IAH1: variants seen among roughly 807,000 people sequenced by gnomAD.
IAH1 encodes the protein isoamyl acetate hydrolyzing esterase 1 (putative).
A neutral mutation model predicts 26.7 loss-of-function variants in IAH1; 24 were observed. The ratio of observed to expected loss-of-function variants is 0.90; its 90% CI spans 0.65 to 1.26. IAH1 has a LOEUF of 1.26. Among genes scored for constraint, IAH1 ranks in the 50% most tolerant of loss-of-function variants. The pLI, the probability that IAH1 is intolerant of heterozygous loss-of-function variation, is 0.00. For synonymous variants in IAH1, 140 were observed against 118.5 expected, an observed-to-expected ratio of 1.18 and a Z score of -1.18; for missense variants, 300 against 299.9, an observed-to-expected ratio of 1.00 and a Z score of 0.00.
downstream of IAH1, among the ~76,000 whole-genome samples, chr2:9,501,071 C>G (rs1243764250): frequency 7.1e-6 from 1 of 139,870 alleles, no homozygotes; most frequent in African/African-American, 2.7e-5. Flanking sequence ...GACGTATGCC[C>G]AAATGGATGA....
At position 9,489,200 on chromosome 2, in the gene IAH1, A is replaced by G. The variant is rs1183799231; in HGVS notation, c.*871A>G. 1.3e-5 allele frequency: 2 copies of G among 151,434 alleles called. No individual in the cohort carries two copies. The highest frequency in any genetic ancestry group is 6.6e-5 in the Admixed American group (1 of 15,202). 9.4% of individuals were successfully genotyped at this position (151,434 alleles called of 1,614,324 possible). On this transcript the variant is annotated 3_prime_UTR_variant, in exon 6 of 6. Coordinates refer to ENST00000497473, the MANE Select transcript of IAH1 (RefSeq NM_001039613.3). ...AAGAAATATCTCACCCTCTTATTCA[A>G]TAGTGTTTGAAAACAGGCAATCTTT...
At chr2:9,505,021 C>T in the IAH1 span, 2 of 902,804 alleles carry the variant, frequency 2.2e-6, no homozygotes, top group East Asian at 5.3e-5. Context: ...CAATTTCTTG[C>T]TGTGAAGGGC....
At chr2:9,497,297 C>T, downstream of IAH1, 1 of 1,607,746 alleles carries the variant, frequency 6.2e-7, no homozygotes, top group Non-Finnish European at 8.5e-7. Flanking sequence ...ACAGGTCCAC[C>T]AGTTCTACAG....
the IAH1 span, among the ~76,000 whole-genome samples, chr2:9,506,518 C>T: frequency 6.6e-6 from 1 of 152,050 alleles, no homozygotes; most frequent in South Asian, 2.1e-4. Context: ...AGGTGCATGC[C>T]ACCACGCCCA....
At chr2:9,475,927 C>A in intron 1 of IAH1, 60 bp from the exon 2 acceptor site, 2 of 1,456,720 alleles carry the variant, frequency 1.4e-6, no homozygotes, top group Non-Finnish European at 1.9e-6. Context: ...ATCAGAACTG[C>A]CCTCGCTGAG....
Position 9,488,238 on chromosome 2 carries a change from A to T in IAH1, c.656A>T (p.Lys219Met). 1 of 1,612,924 alleles carries T rather than the reference A, an allele frequency of 6.2e-7. No homozygotes were observed. The highest frequency in any genetic ancestry group is 8.5e-7 in the Non-Finnish European group (1 of 1,179,208). Reference sequence around the variant, plus strand: ...CATCTCTGGCCTTTGATAGAGAAAAAGGTCTCTTCTCTACCTTTGCTGCTT... The same window carrying T: ...CATCTCTGGCCTTTGATAGAGAAAATGGTCTCTTCTCTACCTTTGCTGCTT... The part of the protein sequence containing the change: ...FSHLWPLIEK[K>M]VSSLPLLLPY... The change falls in exon 6 of 6, where the codon AAG (lysine) becomes ATG (methionine). Residue 219 changes from lysine (K) to methionine (M), a missense_variant. Lys to Met is a moderately conservative substitution (Grantham distance 95). Transcript: ENST00000497473.
chr2:9,477,217 T>C (rs1347351818), intron 2 of IAH1, among the ~76,000 whole-genome samples: 3 of 152,204 alleles, frequency 2.0e-5, no homozygotes, highest in Non-Finnish European at 4.4e-5. Context: ...TGTCCCCTTG[T>C]GCTGCTTTGG....
At chr2:9,501,837 G>C in the IAH1 span, among the ~76,000 whole-genome samples, 16 of 151,988 alleles carry the variant, frequency 1.1e-4, no homozygotes, top group African/African-American at 3.9e-4. Flanking sequence ...GTAAATTTAA[G>C]GTAGAATATC....
rs1402795426 is a variant in IAH1, at chr2:9,488,292, A to G, written c.710A>G (p.Lys237Arg). The change falls in exon 6 of 6, where the codon AAA (lysine) becomes AGA (arginine). Residue 237 changes from lysine (K) to arginine (R), a missense_variant. Transcript: ENST00000497473. ...TACTGGCGGGATGTAGCAGAAGCAA[A>G]ACCTGAATTAAGTCTGCTGGGAGAT... is the stretch of plus-strand genomic sequence containing the variant. ...LPYWRDVAEA[K>R]PELSLLGDGD... The G allele has an allele frequency of 2.5e-6, 4 of 1,611,580 alleles. No individual in the cohort carries two copies. Among genetic ancestry groups the G allele is most frequent in the Admixed American group, 3.4e-5 (2 of 59,126 alleles).
chr2:9,484,975 T>C (rs974309585), intron 5 of IAH1: 9 of 159,624 alleles, frequency 5.6e-5, no homozygotes, highest in African/African-American at 2.2e-4. Flanking sequence ...AGCACAAATA[T>C]AAAAGGTAAA....
Position 9,488,356 on chromosome 2 carries a change from T to C in IAH1, c.*27T>C, listed in dbSNP as rs1407660127. 1 of 1,552,614 alleles carries C rather than the reference T, an allele frequency of 6.4e-7. No individual in the cohort carries two copies. The highest frequency in any genetic ancestry group is 1.4e-5 in the African/African-American group (1 of 72,546). ...CAATCACAGGAGACCCAAATCTGCT[T>C]GTTATCTACAGAACTCAAAGTTGTC... On this transcript the variant is annotated 3_prime_UTR_variant, in exon 6 of 6. Transcript: ENST00000497473.
At chr2:9,475,871 A>G in intron 1 of IAH1, 116 bp from the exon 2 acceptor site, 3 of 814,322 alleles carry the variant, frequency 3.7e-6, no homozygotes, top group East Asian at 2.6e-5. Flanking sequence ...CCTGGAGTGA[A>G]GCAATCAAAG....
intron 2 of IAH1, among the ~76,000 whole-genome samples, chr2:9,476,592 A>G (rs79531084): frequency 0.017 from 2,522 of 152,254 alleles, 111 homozygotes; most frequent in Admixed American, 0.071. Context: ...GCAAAGGGAG[A>G]TGGGTAGGGC....
chr2:9,497,616 C>T (rs1662709234), downstream of IAH1, among the ~76,000 whole-genome samples: 1 of 152,244 alleles, frequency 6.6e-6, no homozygotes. Context: ...CTGGCCCTGA[C>T]TTCATCGCAC....
chr2:9,474,720 C>T lies in IAH1; in HGVS notation c.81+73C>T. 8.5e-7 allele frequency: 1 copy of T among 1,180,106 alleles called. No individual in the cohort carries two copies. The highest frequency in any genetic ancestry group is 3.0e-5 in the Admixed American group (1 of 33,618). The allele number at this position is 1,180,106 out of a possible 1,614,324, so 73.1% of individuals were successfully genotyped here. On this transcript the variant is annotated intron_variant, in intron 1 of 5. Coordinates refer to ENST00000497473, the MANE Select transcript of IAH1 (RefSeq NM_001039613.3). This position sits in a 1 kb window ranked among gnomAD's most constrained non-coding sequence, Gnocchi z 4.3. ...GTCGCTGCCGAGCAGGCCGAGGCTC[C>T]TCGCCGTCCTCTTCGGCGCCCGAGA...
chr2:9,479,142 G>A (rs887498695), intron 3 of IAH1, among the ~76,000 whole-genome samples: 3 of 152,072 alleles, frequency 2.0e-5, no homozygotes, highest in South Asian at 2.1e-4. Context: ...GACAGGTATC[G>A]GTGGAGACTG....
the IAH1 span, among the ~76,000 whole-genome samples, chr2:9,509,413 C>G: frequency 6.6e-6 from 1 of 152,160 alleles, no homozygotes; most frequent in Non-Finnish European, 1.5e-5. Flanking sequence ...CAGAAACCCC[C>G]AATAGTAAAT....
At chr2:9,510,869 A>G in the IAH1 span, among the ~76,000 whole-genome samples, 2 of 152,200 alleles carry the variant, frequency 1.3e-5, no homozygotes, top group African/African-American at 4.8e-5. Context: ...TCTTCTACCA[A>G]TTATATGAAT....
Position 9,481,436 on chromosome 2 carries a change from G to A in IAH1, c.434G>A (p.Cys145Tyr). ...PLCETAWEEQ[C>Y]IIQGCKLNRL... The stretch of plus-strand genomic sequence containing the variant: ...TGTGAAACAGCCTGGGAAGAACAGT[G>A]CATCATACAAGGTAAACAAACCACA... The change falls in exon 4 of 6, where the codon TGC becomes TAC. Residue 145 changes from cysteine (C) to tyrosine (Y), a missense_variant. Transcript: ENST00000497473. The A allele has an allele frequency of 6.2e-7, 1 of 1,614,140 alleles. No homozygotes were observed.
Sources: gnomAD v4.1 joint callset for allele counts (sites outside exome capture counted in the v4.1 genomes callset) on GRCh38, gnomAD v4.1.1 for gene constraint, Gnocchi (gnomAD v3.1) non-coding constraint, MANE v1.5 for transcripts, NCBI Gene and HGNC (gene_info 2026-07-23, HGNC 2026-07-21) for gene names.